Variants in NPFF observed in about 807,000 individuals in gnomAD.
NPFF encodes the protein neuropeptide FF-amide peptide precursor, also known as pro-FMRFamide-related neuropeptide FF.
In NPFF, 14 loss-of-function variants were observed where a neutral mutation model predicts 12.9. The observed-to-expected ratio is 1.09, with a 90% CI of 0.72 to 1.70. NPFF has a LOEUF of 1.70. NPFF is among the 40% of genes most tolerant of loss of function. The probability of loss-of-function intolerance (pLI) is 0.00; values close to 1 mark genes in which losing one functional copy is unlikely to be tolerated. For synonymous variants in NPFF, 56 were observed against 57.3 expected (o/e 0.98, Z 0.10); for missense variants, 140 against 135.7 (o/e 1.03, Z -0.16).
At position 53,507,428 on chromosome 12, in the gene NPFF, A is replaced by G. The variant is rs2137279537; in HGVS notation, c.47T>C (p.Ile16Thr). The G allele has an allele frequency of 1.2e-6, 2 of 1,613,920 alleles. No homozygotes were observed. The highest frequency in any genetic ancestry group is 2.2e-5 in the East Asian group (1 of 44,870). The change falls in exon 1 of 3, where the codon ATA becomes ACA. Residue 16 changes from isoleucine to threonine, a missense_variant. Transcript: ENST00000267017. Reference sequence around the variant, plus strand: ...TGGCCCTTCAGCACAGCCCCCGTCTATTAACAGCAGCAGCACCAGCAGTGC... The same window carrying G: ...TGGCCCTTCAGCACAGCCCCCGTCTGTTAACAGCAGCAGCACCAGCAGTGC... ...AAALLVLLLL[I>T]DGGCAEGPGG...
In NPFF at chr12:53,506,747, T is replaced by C; in HGVS notation, c.*29A>G. 1 of 1,469,656 alleles carries C rather than the reference T, an allele frequency of 6.8e-7. No individual in the cohort carries two copies. Among genetic ancestry groups the C allele is most frequent in the Non-Finnish European group, 9.2e-7 (1 of 1,088,470 alleles). The allele number at this position is 1,469,656 out of a possible 1,614,324, so 91.0% of individuals were successfully genotyped here. On this transcript the variant is annotated 3_prime_UTR_variant, in exon 3 of 3. Coordinates refer to ENST00000267017, the MANE Select transcript of NPFF (RefSeq NM_003717.4). ...CATTGACACTTTTGGGTGTGGACCT[T>C]GCATGCAGACATATCAAGGGATGAC...
In NPFF at chr12:53,506,849, C is replaced by T; in HGVS notation, c.269G>A (p.Ser90Asn). 1 of 1,604,714 alleles carries T rather than the reference C, an allele frequency of 6.2e-7. No individual in the cohort carries two copies. The highest frequency in any genetic ancestry group is 8.5e-7 in the Non-Finnish European group (1 of 1,175,378). Residue 90 changes from serine to asparagine, a missense_variant, in exon 3 of 3, where the codon AGT becomes AAT. Coordinates refer to ENST00000267017, the MANE Select transcript of NPFF (RefSeq NM_003717.4). ...TQGSWRNEWL[S>N]PRAGEGLNSQ... is the part of the protein sequence containing the mutation. ...ATTCAGCCCCTCTCCAGCCCGGGGA[C>T]TCAGCCATTCATTCCTCCAGGATCC... is the stretch of plus-strand genomic sequence containing the variant.
chr12:53,507,351 T>A, intron 1 of NPFF, 22 bp downstream of exon 1: 1 of 1,613,854 alleles, frequency 6.2e-7, no homozygotes, highest in East Asian at 2.2e-5. Context: ...AATGGTGATA[T>A]GGGGATGGGA....
Position 53,507,052 on chromosome 12 carries a change from G to A in NPFF, c.193C>T (p.Arg65Trp), listed in dbSNP as rs146357294. 8.1e-6 allele frequency: 13 copies of A among 1,613,828 alleles called. No homozygotes were observed. The highest frequency in any genetic ancestry group is 1.7e-5 in the Admixed American group (1 of 59,980). Residue 65 changes from arginine to tryptophan, a missense_variant, in exon 2 of 3, where the codon CGG becomes TGG. Arg to Trp is a moderately radical substitution (Grantham distance 101, BLOSUM62 -3). Coordinates refer to ENST00000267017, the MANE Select transcript of NPFF (RefSeq NM_003717.4). Reference sequence around the variant, plus strand: ...GGCTGAAACAGGAAGGCTTGGCTCCGGCCAGGTCTCTCCATTGCCTGGAGC... The same window carrying A: ...GGCTGAAACAGGAAGGCTTGGCTCCAGCCAGGTCTCTCCATTGCCTGGAGC... ...YLLQAMERPGRSQAFLFQPQR... is the reference protein window; with the variant it reads ...YLLQAMERPGWSQAFLFQPQR...
Position 53,507,387 on chromosome 12 carries a change from C to T in NPFF, c.88G>A (p.Asp30Asn), listed in dbSNP as rs1292174364. 2 of 1,613,970 alleles carry T rather than the reference C, an allele frequency of 1.2e-6. No individual in the cohort carries two copies. Among genetic ancestry groups the T allele is most frequent in the South Asian group, 1.1e-5 (1 of 91,084 alleles). Residue 30 changes from aspartate (D) to asparagine (N), a missense_variant, in exon 1 of 3, where the codon GAC (aspartate) becomes AAC (asparagine). By Grantham distance (23) the Asp-to-Asn change is conservative. Coordinates refer to ENST00000267017, the MANE Select transcript of NPFF (RefSeq NM_003717.4). ...CACACACTCACCGCGGAGAGCTGGT[C>T]TTCCTGCTGGCCTCCTGGCCCTTCA... ...CAEGPGGQQE[D>N]QLSAEEDSEP...
rs1250552308 is a variant in NPFF, at chr12:53,507,076, G to A, written c.169C>T (p.Leu57Phe). The part of the protein sequence containing the change: ...QTSGSLLHYL[L>F]QAMERPGRSQ... Reference sequence around the variant, plus strand: ...CGGCCAGGTCTCTCCATTGCCTGGAGCAGGTAGTGCAACAGTGACCCAGAG... The same window carrying A: ...CGGCCAGGTCTCTCCATTGCCTGGAACAGGTAGTGCAACAGTGACCCAGAG... The change falls in exon 2 of 3, where the codon CTC becomes TTC. Residue 57 changes from leucine to phenylalanine, a missense_variant. Transcript: ENST00000267017. 1.2e-6 allele frequency: 2 copies of A among 1,614,014 alleles called. No individual in the cohort carries two copies. The highest frequency in any genetic ancestry group is 1.3e-5 in the African/African-American group (1 of 74,922).
intron 2 of NPFF, 36 bp downstream of exon 2, chr12:53,506,985 C>T (rs1219517377): frequency 1.9e-6 from 3 of 1,605,532 alleles, no homozygotes; most frequent in African/African-American, 1.3e-5. Context: ...TTTCCACCCC[C>T]AGCCCCTGCC....
chr12:53,507,125 G>A lies in NPFF; in HGVS notation c.120C>T (p.Pro40=). ...AGGTCTGGGCATCCTGTGGTGGGAG[G>A]GGTTCGCTGTCTTCCTCCTGTGCCA... ...DQLSAEEDSE[P]LPPQDAQTSG... is the part of the protein sequence containing the mutation. The change falls in exon 2 of 3, where the codon CCC becomes CCT. Residue 40 remains proline (P), a synonymous_variant. Transcript: ENST00000267017. 1.2e-6 allele frequency: 2 copies of A among 1,614,034 alleles called. No individual in the cohort carries two copies. Among genetic ancestry groups the A allele is most frequent in the Non-Finnish European group, 8.5e-7 (1 of 1,179,984 alleles).
rs1944034545 is a variant in NPFF, at chr12:53,507,362, C to T, written c.102+11G>A. The T allele has an allele frequency of 6.2e-7, 1 of 1,614,040 alleles. No individual in the cohort carries two copies. The highest frequency in any genetic ancestry group is 2.2e-5 in the East Asian group (1 of 44,886). ...AGGCAATGGTGATATGGGGATGGGA[C>T]ACACACTCACCGCGGAGAGCTGGTC... On this transcript the variant is annotated intron_variant, in intron 1 of 2. Transcript: ENST00000267017.
In NPFF at chr12:53,506,757, CAT is replaced by C. The variant is rs781418525; in HGVS notation, c.*17_*18del. ...TTTGGGTGTGGACCTTGCATGCAGA[CAT>C]ATCAAGGGATGACATGTCACTTCTT... is the stretch of plus-strand genomic sequence containing the variant. On this transcript the variant is annotated 3_prime_UTR_variant, in exon 3 of 3. Transcript: ENST00000267017. The C allele has an allele frequency of 6.7e-7, 1 of 1,498,964 alleles. No homozygotes were observed. Among genetic ancestry groups the C allele is most frequent in the African/African-American group, 1.4e-5 (1 of 71,312 alleles). The allele number at this position is 1,498,964 out of a possible 1,614,324, so 92.9% of individuals were successfully genotyped here.
In NPFF at chr12:53,506,723, A is replaced by G; in HGVS notation, c.*53T>C. 7.5e-7 allele frequency: 1 copy of G among 1,342,148 alleles called. No homozygotes were observed. Among genetic ancestry groups the G allele is most frequent in the Non-Finnish European group, 1.0e-6 (1 of 977,740 alleles). 83.1% of individuals were successfully genotyped at this position (1,342,148 alleles called of 1,614,324 possible). A position where few individuals can be genotyped will look rare whatever the true frequency, so the allele number is the denominator to read the frequency against. On this transcript the variant is annotated 3_prime_UTR_variant, in exon 3 of 3. Coordinates refer to ENST00000267017, the MANE Select transcript of NPFF (RefSeq NM_003717.4). ...AGACAATTTTATTTGGGGGGCAAAC[A>G]TTGACACTTTTGGGTGTGGACCTTG...
Position 53,506,802 on chromosome 12 carries a change from C to T in NPFF, c.316G>A (p.Ala106Thr). The T allele has an allele frequency of 6.3e-7, 1 of 1,584,698 alleles. No individual in the cohort carries two copies. Among genetic ancestry groups the T allele is most frequent in the South Asian group, 1.2e-5 (1 of 86,348 alleles). The change falls in exon 3 of 3, where the codon GCC becomes ACC. Residue 106 changes from alanine to threonine, a missense_variant. By Grantham distance (58) the Ala-to-Thr change is moderately conservative (BLOSUM62 0). Coordinates refer to ENST00000267017, the MANE Select transcript of NPFF (RefSeq NM_003717.4). ...CACTTCTTCCCAAAGCGTTGAGGGGCAGCCAGGCTCCAGAACTGGGAATTC... is the reference window on the plus strand; with the variant it reads ...CACTTCTTCCCAAAGCGTTGAGGGGTAGCCAGGCTCCAGAACTGGGAATTC... ...GLNSQFWSLA[A>T]PQRFGKK
Position 53,507,130 on chromosome 12 carries a change from C to T in NPFF, c.115G>A (p.Glu39Lys), listed in dbSNP as rs1393519447. The change falls in exon 2 of 3, where the codon GAA becomes AAA. Residue 39 changes from glutamate (E) to lysine (K), a missense_variant. Glu to Lys is a moderately conservative substitution (Grantham distance 56). Transcript: ENST00000267017. ...EDQLSAEEDSEPLPPQDAQTS... is the reference protein window; with the variant it reads ...EDQLSAEEDSKPLPPQDAQTS... ...TGGGCATCCTGTGGTGGGAGGGGTT[C>T]GCTGTCTTCCTCCTGTGCCAAGGGG... The T allele has an allele frequency of 2.5e-6, 4 of 1,613,882 alleles. No homozygotes were observed. The highest frequency in any genetic ancestry group is 1.3e-5 in the African/African-American group (1 of 75,010).
intron 1 of NPFF, 64 bp downstream of exon 1, chr12:53,507,309 C>T (rs1327768736): frequency 6.2e-7 from 1 of 1,607,302 alleles, no homozygotes; most frequent in East Asian, 2.2e-5. Flanking sequence ...AGTATCAGAA[C>T]CTAGAGCACA....
rs1465125865 is a variant in NPFF, at chr12:53,507,027, G to C, written c.218C>G (p.Pro73Arg). The C allele has an allele frequency of 2.5e-6, 4 of 1,613,678 alleles. No individual in the cohort carries two copies. The highest frequency in any genetic ancestry group is 1.3e-5 in the African/African-American group (1 of 74,870). Residue 73 changes from proline to arginine, a missense_variant, in exon 2 of 3, where the codon CCC becomes CGC. Coordinates refer to ENST00000267017, the MANE Select transcript of NPFF (RefSeq NM_003717.4). ...PGRSQAFLFQ[P>R]QRFGRNTQGS... is the part of the protein sequence containing the mutation. ...GTGTCCCTTTCAGACTCACCTCTGG[G>C]GCTGAAACAGGAAGGCTTGGCTCCG... is the stretch of plus-strand genomic sequence containing the variant.
At position 53,506,864 on chromosome 12, in the gene NPFF, C is replaced by A; in HGVS notation, c.254G>T (p.Arg85Met). 1.2e-6 allele frequency: 2 copies of A among 1,601,898 alleles called. No individual in the cohort carries two copies. Among genetic ancestry groups the A allele is most frequent in the Non-Finnish European group, 1.7e-6 (2 of 1,173,756 alleles). Reference protein sequence around the residue: ...RFGRNTQGSWRNEWLSPRAGE... With the variant: ...RFGRNTQGSWMNEWLSPRAGE... ...AGCCCGGGGACTCAGCCATTCATTC[C>A]TCCAGGATCCCTGGGTATTTCTGCC... The change falls in exon 3 of 3, where the codon AGG (arginine) becomes ATG (methionine). Residue 85 changes from arginine (R) to methionine (M), a missense_variant. Physicochemically the swap from Arg to Met is moderately conservative, Grantham distance 91. Transcript: ENST00000267017.
chr12:53,507,329 C>G, intron 1 of NPFF, 44 bp downstream of exon 1: 1 of 1,612,150 alleles, frequency 6.2e-7, no homozygotes, highest in Non-Finnish European at 8.5e-7. Context: ...AAGTCTCAAC[C>G]GAAGTAGAGG....
chr12:53,506,690 C>G lies in NPFF; in HGVS notation c.*86G>C. 6.3e-6 allele frequency: 7 copies of G among 1,114,026 alleles called. No individual in the cohort carries two copies. In the Middle Eastern group the frequency reaches 9.2e-4, roughly 147 times the overall value. 69.0% of individuals were successfully genotyped at this position (1,114,026 alleles called of 1,614,324 possible). On this transcript the variant is annotated 3_prime_UTR_variant, in exon 3 of 3. Transcript: ENST00000267017. ...AGTCTCACACAGACACACATGGATT[C>G]AGAAGCCAGACAATTTTATTTGGGG...
Position 53,506,807 on chromosome 12 carries a change from AG to A in NPFF, c.310del (p.Leu104TrpfsTer34), listed in dbSNP as rs756194758. ...CTTCCCAAAGCGTTGAGGGGCAGCC[AG>A]GCTCCAGAACTGGGAATTCAGCCCC... ...GEGLNSQFWS[L>X]AAPQRFGKK On this transcript the variant is annotated frameshift_variant, in exon 3 of 3. Coordinates refer to ENST00000267017, the MANE Select transcript of NPFF (RefSeq NM_003717.4). LOFTEE classifies it high-confidence loss of function. The A allele has an allele frequency of 1.3e-6, 2 of 1,588,498 alleles. No homozygotes were observed. Among genetic ancestry groups the A allele is most frequent in the South Asian group, 2.3e-5 (2 of 87,230 alleles).
Sources: gnomAD v4.1 joint callset for allele counts on GRCh38, gnomAD v4.1.1 for gene constraint, MANE v1.5 for transcripts, NCBI Gene and HGNC (gene_info 2026-07-23, HGNC 2026-07-21) for gene names.